NOP53: variants seen among roughly 807,000 people sequenced by gnomAD.
NOP53 encodes ribosome biogenesis protein NOP53.
Under a neutral mutation model 61.0 loss-of-function variants are expected in NOP53, and 40 were observed. That is an observed-to-expected ratio of 0.66 (90% CI 0.51 to 0.85). The LOEUF (loss-of-function observed/expected upper bound fraction) is 0.85. Among genes scored for constraint, NOP53 ranks in the 40% least tolerant of loss-of-function variants. The pLI is 0.00. For synonymous variants in NOP53, 308 were observed against 289.5 expected, an observed-to-expected ratio of 1.06 and a Z score of -0.65; for missense variants, 689 against 652.9, an observed-to-expected ratio of 1.06 and a Z score of -0.60.
In NOP53 at chr19:47,755,834, G is replaced by A. The variant is rs1967189874; in HGVS notation, c.1296+12G>A. ...TCAGGACCCTGAAGGTGCTCACTGT[G>A]TCCTGCCGTGGAGCCCCGTGCCCAG... On this transcript the variant is annotated intron_variant, in intron 10 of 12. Coordinates refer to ENST00000246802, the MANE Select transcript of NOP53 (RefSeq NM_015710.5). The A allele has an allele frequency of 1.2e-6, 2 of 1,602,348 alleles. No individual in the cohort carries two copies. The highest frequency in any genetic ancestry group is 1.7e-5 in the Admixed American group (1 of 59,024).
rs1299301381 is a variant in NOP53, at chr19:47,756,504, G to A, written c.1297-24G>A. 4 of 1,604,742 alleles carry A rather than the reference G, an allele frequency of 2.5e-6. No individual in the cohort carries two copies. The Admixed American group carries it at 6.7e-5, about 27-fold the overall frequency. The stretch of plus-strand genomic sequence containing the variant: ...CCTTGGGCTTCTGCCAGGCCCTGCT[G>A]AGGCCTCCCTCTCTGTCCTGTAGCC... On this transcript the variant is annotated intron_variant, in intron 10 of 12. Coordinates refer to ENST00000246802, the MANE Select transcript of NOP53 (RefSeq NM_015710.5).
In NOP53 at chr19:47,752,534, A is replaced by G; in HGVS notation, c.692A>G (p.Lys231Arg). 1.2e-6 allele frequency: 2 copies of G among 1,607,486 alleles called. No individual in the cohort carries two copies. Among genetic ancestry groups the G allele is most frequent in the Non-Finnish European group, 1.7e-6 (2 of 1,178,036 alleles). ...GVKRPARLHT[K>R]PSQAPAVEVA... is the part of the protein sequence containing the mutation. ...CAGCGGCCAGCACGCCTGCACACCAAGCCGTCCCAGGCACCCGCCGTGGAG... is the reference window on the plus strand; with the variant it reads ...CAGCGGCCAGCACGCCTGCACACCAGGCCGTCCCAGGCACCCGCCGTGGAG... The change falls in exon 6 of 13, where the codon AAG (lysine) becomes AGG (arginine). Residue 231 changes from lysine to arginine, a missense_variant. Lys to Arg is a conservative substitution (Grantham distance 26, BLOSUM62 2). Transcript: ENST00000246802.
rs748925558 is a variant in NOP53 at position 47,751,087 on chromosome 19, A to G, written c.578A>G (p.Tyr193Cys). 57 of 1,608,384 alleles carry G rather than the reference A, an allele frequency of 3.5e-5. No homozygotes were observed. The highest frequency in any genetic ancestry group is 1.9e-4 in the South Asian group (17 of 89,646). ...CAGGACACCGTAGAGCGGCCCTTCT[A>G]CGACCTCTGGGCCTCAGACAGTGAG... ...GPQDTVERPF[Y>C]DLWASDNPLD... Residue 193 changes from tyrosine (Y) to cysteine (C), a missense_variant, in exon 4 of 13, where the codon TAC (tyrosine) becomes TGC (cysteine). Tyr to Cys is a radical substitution (Grantham distance 194, BLOSUM62 -2). Transcript: ENST00000246802.
At chr19:47,752,720 G>C in intron 6 of NOP53, 113 bp downstream of exon 6, 1 of 691,064 alleles carries the variant, frequency 1.4e-6, no homozygotes, top group Non-Finnish European at 2.6e-6. Flanking sequence ...CCCTGGGCCT[G>C]TCCGCAACGG....
chr19:47,752,217 G>C (rs1967132948), intron 5 of NOP53, among the ~76,000 whole-genome samples: 1 of 152,224 alleles, frequency 6.6e-6, no homozygotes, highest in African/African-American at 2.4e-5. Flanking sequence ...CTGGCAAGTG[G>C]CAGAAGTGTC....
chr19:47,756,310 C>T (rs770488548), intron 10 of NOP53: 20 of 587,998 alleles, frequency 3.4e-5, no homozygotes, highest in African/African-American at 1.3e-4. Flanking sequence ...GCCCACTTCC[C>T]GTGACTCCTC....
intron 6 of NOP53, chr19:47,752,968 C>T (rs1217274779): frequency 1.5e-5 from 3 of 200,622 alleles, no homozygotes; most frequent in South Asian, 1.4e-4. Context: ...GAGACCGTGG[C>T]GCCTTCCAGG....
At chr19:47,749,507 C>G (rs1392929383) in intron 2 of NOP53, among the ~76,000 whole-genome samples, 2 of 152,172 alleles carry the variant, frequency 1.3e-5, no homozygotes, top group African/African-American at 4.8e-5. Context: ...AGCTAAGCCT[C>G]TTGTGTGAGG....
chr19:47,751,701 G>A (rs1040444695), intron 5 of NOP53, 111 bp downstream of exon 5: 35 of 838,292 alleles, frequency 4.2e-5, no homozygotes, highest in Admixed American at 6.0e-5. Flanking sequence ...CCCAGTGGCC[G>A]AGAACTCTGT....
chr19:47,747,992 C>T (rs1260321424), intron 2 of NOP53, among the ~76,000 whole-genome samples: 1 of 151,912 alleles, frequency 6.6e-6, no homozygotes, highest in Non-Finnish European at 1.5e-5. Flanking sequence ...GTTGGTCAGG[C>T]TGGTCTCGAA....
At chr19:47,756,448 C>A in intron 10 of NOP53, 80 bp from the exon 11 acceptor site, 1 of 1,163,606 alleles carries the variant, frequency 8.6e-7, no homozygotes, top group Non-Finnish European at 1.3e-6. Context: ...TGGGGCTGAG[C>A]CCTGCCAGGA....
At chr19:47,752,820 C>A in intron 6 of NOP53, 1 of 534,942 alleles carries the variant, frequency 1.9e-6, no homozygotes. Flanking sequence ...CCTGGCCCAG[C>A]CTGGGGGGTC....
At position 47,746,978 on chromosome 19, in the gene NOP53, C is replaced by T. The variant is rs768869974; in HGVS notation, c.236C>T (p.Ser79Leu). The change falls in exon 2 of 13, where the codon TCA becomes TTA. Residue 79 changes from serine to leucine, a missense_variant. Coordinates refer to ENST00000246802, the MANE Select transcript of NOP53 (RefSeq NM_015710.5). Reference protein sequence around the residue: ...LQERTSGGLLSEAPNEKLFFV... With the variant: ...LQERTSGGLLLEAPNEKLFFV... ...TTTCTGTCCCCCAGTGGCTTGTTGT[C>T]AGAGGCCCCAAATGAAAAACTCTTC... The T allele has an allele frequency of 1.2e-6, 2 of 1,613,736 alleles. No homozygotes were observed. Among genetic ancestry groups the T allele is most frequent in the East Asian group, 2.2e-5 (1 of 44,872 alleles).
At position 47,754,668 on chromosome 19, in the gene NOP53, G is replaced by A; in HGVS notation, c.870+37G>A. 6.5e-7 allele frequency: 1 copy of A among 1,542,756 alleles called. No individual in the cohort carries two copies. Among genetic ancestry groups the A allele is most frequent in the Non-Finnish European group, 8.8e-7 (1 of 1,141,992 alleles). ...ACCTGCCCACTCCCTCCCCTCCCCG[G>A]GCCTCCTACCCACCCCTGACACTGC... On this transcript the variant is annotated intron_variant, in intron 7 of 12. Coordinates refer to ENST00000246802, the MANE Select transcript of NOP53 (RefSeq NM_015710.5). This position sits in a 1 kb window ranked among gnomAD's most constrained non-coding sequence, Gnocchi z 4.2.
Position 47,747,037 on chromosome 19 carries a change from G to A in NOP53, c.289+6G>A, listed in dbSNP as rs375098747. 4 of 1,612,234 alleles carry A rather than the reference G, an allele frequency of 2.5e-6. No homozygotes were observed. Among genetic ancestry groups the A allele is most frequent in the African/African-American group, 1.3e-5 (1 of 74,862 alleles). The stretch of plus-strand genomic sequence containing the variant: ...CACTGGCTCCAAGGAAAAAGGTGAG[G>A]AGAGGCTTTTGTGGTGTGGAATGGC... On this transcript the variant is annotated splice_donor_region_variant and intron_variant, in intron 2 of 12. Coordinates refer to ENST00000246802, the MANE Select transcript of NOP53 (RefSeq NM_015710.5).
intron 5 of NOP53, 32 bp downstream of exon 5, chr19:47,751,622 T>A: frequency 6.4e-7 from 1 of 1,559,072 alleles, no homozygotes; most frequent in Non-Finnish European, 8.8e-7. Flanking sequence ...TCCTGGGTGA[T>A]GGGAGGGTGA....
intron 5 of NOP53, among the ~76,000 whole-genome samples, chr19:47,751,823 C>T (rs1308779893): frequency 5.3e-5 from 8 of 152,120 alleles, no homozygotes; most frequent in African/African-American, 1.9e-4. Flanking sequence ...AGATGAGGGC[C>T]GGGCATGGTG....
Position 47,756,516 on chromosome 19 carries a change from T to C in NOP53, c.1297-12T>C, listed in dbSNP as rs372860499. 2 of 1,612,370 alleles carry C rather than the reference T, an allele frequency of 1.2e-6. No individual in the cohort carries two copies. Among genetic ancestry groups the C allele is most frequent in the African/African-American group, 2.7e-5 (2 of 75,020 alleles). ...GCCAGGCCCTGCTGAGGCCTCCCTC[T>C]CTGTCCTGTAGCCCGAGGGCAACAT... On this transcript the variant is annotated splice_polypyrimidine_tract_variant and intron_variant, in intron 10 of 12. Transcript: ENST00000246802.
intron 10 of NOP53, chr19:47,756,205 G>A (rs964879579): frequency 2.1e-5 from 11 of 520,918 alleles, no homozygotes; most frequent in East Asian, 3.2e-5. Flanking sequence ...CGACCCGGCC[G>A]TGGGGCTCCA....
Sources: allele counts gnomAD v4.1 joint callset (sites outside exome capture counted in the v4.1 genomes callset), GRCh38; gene constraint gnomAD v4.1.1; non-coding constraint Gnocchi (gnomAD v3.1); transcripts MANE v1.5; gene names NCBI Gene and HGNC (gene_info 2026-07-23, HGNC 2026-07-21).